Variants in CUX2 observed in about 807,000 individuals in gnomAD.
CUX2 encodes homeobox protein cut-like 2.
A neutral mutation model predicts 144.8 loss-of-function variants in CUX2; 40 were observed. That is an observed-to-expected ratio of 0.28 (90% CI 0.21 to 0.36). The LOEUF (loss-of-function observed/expected upper bound fraction) is 0.36. CUX2 is among the 10% of genes least tolerant of loss of function. The pLI is 1.00. For synonymous variants in CUX2, 827 were observed against 875.6 expected (o/e 0.94, Z 0.98); for missense variants, 1,615 against 1,994.0 (o/e 0.81, Z 3.62).
intron 16 of CUX2, among the ~76,000 whole-genome samples, chr12:111,314,660 A>AC (rs1211944996): frequency 2.3e-5 from 2 of 85,950 alleles, no homozygotes; most frequent in Non-Finnish European, 4.4e-5. Flanking sequence ...AAAAAAAAAA[A>AC]AAAAAAAACC....
At position 111,160,003 on chromosome 12, in the gene CUX2, C is replaced by T. The variant is rs61943041; in HGVS notation, c.64-54197C>T. 1.4e-4 allele frequency among the ~76,000 whole-genome samples: 22 copies of T among 152,154 alleles called. No homozygotes were observed. Among genetic ancestry groups the T allele is most frequent in the South Asian group, 6.2e-4 (3 of 4,822 alleles). ...TTGTACCACTGCACTCCAGCCTGGGCGACAAAGTGAGACTATCTTAAAAAC... is the reference window on the plus strand; with the variant it reads ...TTGTACCACTGCACTCCAGCCTGGGTGACAAAGTGAGACTATCTTAAAAAC... On this transcript the variant is annotated intron_variant, in intron 1 of 21. Transcript: ENST00000261726. This position sits in a 1 kb window ranked among gnomAD's most constrained non-coding sequence, Gnocchi z 4.1.
At chr12:111,311,857 C>T (rs1013259316) in intron 15 of CUX2, among the ~76,000 whole-genome samples, 3 of 152,152 alleles carry the variant, frequency 2.0e-5, no homozygotes, top group Non-Finnish European at 4.4e-5. Flanking sequence ...CTCGGACTCC[C>T]AGAGTGCTGG....
intron 1 of CUX2, among the ~76,000 whole-genome samples, chr12:111,098,834 A>G (rs1277788146): frequency 6.6e-6 from 1 of 152,204 alleles, no homozygotes; most frequent in African/African-American, 2.4e-5. Context: ...CAAGCTGGGT[A>G]TTCATTTATT....
Position 111,287,306 on chromosome 12 carries a change from C to T in CUX2, c.302-4112C>T, listed in dbSNP as rs529943202. ...CTGGGCCACGAGCCGGATCCTCCCCCTCCTTGGAACCGGAGCAAGCCCTCC... is the reference window on the plus strand; with the variant it reads ...CTGGGCCACGAGCCGGATCCTCCCCTTCCTTGGAACCGGAGCAAGCCCTCC... On this transcript the variant is annotated intron_variant, in intron 4 of 21. Coordinates refer to ENST00000261726, the MANE Select transcript of CUX2 (RefSeq NM_015267.4). The surrounding 1 kb of genome is among the most constrained non-coding windows in gnomAD (Gnocchi z 4.2). Among the ~76,000 whole-genome samples the T allele has an allele frequency of 6.6e-6, 1 of 152,272 alleles. No homozygotes were observed. The highest frequency in any genetic ancestry group is 1.5e-5 in the Non-Finnish European group (1 of 68,046).
Position 111,295,485 on chromosome 12 carries a change from T to TG in CUX2, c.637+80dup, listed in dbSNP as rs1885925023. 4 of 1,314,176 alleles carry TG rather than the reference T, an allele frequency of 3.0e-6. No homozygotes were observed. The highest frequency in any genetic ancestry group is 1.1e-6 in the Non-Finnish European group (1 of 945,098). 81.4% of individuals were successfully genotyped at this position (1,314,176 alleles called of 1,614,324 possible). A position where few individuals can be genotyped will look rare whatever the true frequency, so the allele number is the denominator to read the frequency against. ...ATGCTGTCAACGAGGGGTCACGGCTTGGGGTCTGCCACATCCAGGTGTTTT... is the reference window on the plus strand; with the variant it reads ...ATGCTGTCAACGAGGGGTCACGGCTTGGGGGTCTGCCACATCCAGGTGTTTT... On this transcript the variant is annotated intron_variant, in intron 7 of 21. Transcript: ENST00000261726. The surrounding 1 kb of genome is among the most constrained non-coding windows in gnomAD (Gnocchi z 5.0).
intron 18 of CUX2, among the ~76,000 whole-genome samples, chr12:111,332,837 A>T (rs1888180887): frequency 6.6e-6 from 1 of 152,210 alleles, no homozygotes; most frequent in Non-Finnish European, 1.5e-5. Flanking sequence ...ACTGGCATGT[A>T]TCCCACCATC....
Position 111,341,854 on chromosome 12 carries a change from C to T in CUX2, c.3460C>T (p.Pro1154Ser). The change falls in exon 21 of 22, where the codon CCC becomes TCC. Residue 1154 changes from proline (P) to serine (S), a missense_variant. By Grantham distance (74) the Pro-to-Ser change is moderately conservative. This residue lies in a region of CUX2 where 131 missense variants were observed against 223.1 expected (regional missense o/e 0.59). Transcript: ENST00000261726. ...GTCCCCGGCCACCCGCTCAGAGTGC[C>T]CCAGCCCCTGCCTGCAGCCCCAGGA... ...SESPATRSECPSPCLQPQDLS... is the reference protein window; with the variant it reads ...SESPATRSECSSPCLQPQDLS... 1 of 1,613,846 alleles carries T rather than the reference C, an allele frequency of 6.2e-7. No individual in the cohort carries two copies. The highest frequency in any genetic ancestry group is 8.5e-7 in the Non-Finnish European group (1 of 1,180,002).
intron 20 of CUX2, among the ~76,000 whole-genome samples, chr12:111,338,925 A>G (rs989868165): frequency 9.9e-5 from 15 of 151,734 alleles, no homozygotes; most frequent in African/African-American, 3.6e-4. Flanking sequence ...AATATTTACT[A>G]CCTCTCCCAT....
rs1414209913 is a variant in CUX2, at chr12:111,307,789, C to G, written c.1110-496C>G. On this transcript the variant is annotated intron_variant, in intron 12 of 21. Transcript: ENST00000261726. The surrounding 1 kb of genome is among the most constrained non-coding windows in gnomAD (Gnocchi z 4.1). ...CCTGAGGTCAGGAGTTCAAAACCAG[C>G]CTGGCCGAAAGGGCAAAACCCTGTC... Among the ~76,000 whole-genome samples, 1 of 152,196 alleles carries G rather than the reference C, an allele frequency of 6.6e-6. No individual in the cohort carries two copies. Among genetic ancestry groups the G allele is most frequent in the Non-Finnish European group, 1.5e-5 (1 of 68,028 alleles).
chr12:111,079,367 T>C (rs1440768347), intron 1 of CUX2, among the ~76,000 whole-genome samples: 2 of 152,190 alleles, frequency 1.3e-5, no homozygotes, highest in Non-Finnish European at 2.9e-5. Flanking sequence ...CACAGCAGCA[T>C]GGACCTGTGG....
intron 18 of CUX2, among the ~76,000 whole-genome samples, chr12:111,333,791 A>C (rs1888219451): frequency 6.6e-6 from 1 of 151,852 alleles, no homozygotes; most frequent in Non-Finnish European, 1.5e-5. Flanking sequence ...CCCGGGAAAG[A>C]GGTTGCAGTG....
chr12:111,050,538 A>T (rs1032437723), intron 1 of CUX2, among the ~76,000 whole-genome samples: 25 of 152,304 alleles, frequency 1.6e-4, no homozygotes, highest in South Asian at 6.2e-4. Flanking sequence ...TCTTCATCTT[A>T]GGGATGGCTC....
At chr12:111,253,955 C>T (rs545102209) in intron 3 of CUX2, among the ~76,000 whole-genome samples, 2 of 151,980 alleles carry the variant, frequency 1.3e-5, no homozygotes, top group Non-Finnish European at 2.9e-5. Flanking sequence ...GTCTCGAACT[C>T]CTGACCTCAG....
chr12:111,206,283 G>A (rs1042093488), intron 1 of CUX2, among the ~76,000 whole-genome samples: 17 of 152,334 alleles, frequency 1.1e-4, no homozygotes, highest in African/African-American at 4.1e-4. Flanking sequence ...AGTGAGCCAG[G>A]ATTGTGCCAC....
intron 2 of CUX2, among the ~76,000 whole-genome samples, chr12:111,215,887 A>C (rs1346648288): frequency 6.6e-6 from 1 of 152,264 alleles, no homozygotes; most frequent in African/African-American, 2.4e-5. Context: ...CTCTGAGTTC[A>C]GCTTACATAA....
Position 111,312,010 on chromosome 12 carries a change from G to A in CUX2, c.1901-90G>A, listed in dbSNP as rs182665288. The A allele has an allele frequency of 4.6e-3, 4,819 of 1,055,334 alleles. 26 individuals are homozygous for A. The highest frequency in any genetic ancestry group is 0.023 in the Middle Eastern group (110 of 4,752). The allele number at this position is 1,055,334 out of a possible 1,614,324, so 65.4% of individuals were successfully genotyped here. The stretch of plus-strand genomic sequence containing the variant: ...TGATGGTCTGACCCTCACTCTTCTG[G>A]GAGGAGGAGACAGCCCCCCTACCCC... On this transcript the variant is annotated intron_variant, in intron 15 of 21. Transcript: ENST00000261726. The surrounding 1 kb of genome is among the most constrained non-coding windows in gnomAD (Gnocchi z 4.3).
At chr12:111,233,853 A>G (rs1225554923) in intron 3 of CUX2, among the ~76,000 whole-genome samples, 1 of 152,234 alleles carries the variant, frequency 6.6e-6, no homozygotes, top group Non-Finnish European at 1.5e-5. Flanking sequence ...CTTCAAACAC[A>G]GATGAGGTTA....
At chr12:111,185,334 A>G (rs7959625) in intron 1 of CUX2, among the ~76,000 whole-genome samples, 49,555 of 152,008 alleles carry the variant, frequency 0.33, 11,737 homozygotes, top group African/African-American at 0.66. Context: ...TGGATTCTTG[A>G]AGTCAAATTT....
intron 15 of CUX2, among the ~76,000 whole-genome samples, chr12:111,311,867 G>A (rs1340291109): frequency 6.6e-6 from 1 of 152,088 alleles, no homozygotes; most frequent in Non-Finnish European, 1.5e-5. Context: ...CAGAGTGCTG[G>A]GATTACAGGC....
Sources: allele counts gnomAD v4.1 joint callset (sites outside exome capture counted in the v4.1 genomes callset), GRCh38; gene constraint gnomAD v4.1.1; regional missense constraint gnomAD v4.1.1; non-coding constraint Gnocchi (gnomAD v3.1); transcripts MANE v1.5; gene names NCBI Gene and HGNC (gene_info 2026-07-23, HGNC 2026-07-21).